The following CCDC12 variants were observed in gnomAD, a reference collection of about 807,000 sequenced individuals.
CCDC12 encodes the protein coiled-coil domain containing 12, also known as coiled-coil domain-containing protein 12.
In CCDC12, 28 loss-of-function variants were observed where a neutral mutation model predicts 25.7. That is an observed-to-expected ratio of 1.09 (90% CI 0.81 to 1.50). The LOEUF is 1.50. Ranked by LOEUF, CCDC12 falls within the 40% of genes most tolerant of loss-of-function variation. CCDC12 has a pLI of 0.00. For missense variants in CCDC12, 198 were observed against 210.0 expected, an observed-to-expected ratio of 0.94 and a Z score of 0.35; for synonymous variants, 75 against 87.7, an observed-to-expected ratio of 0.86 and a Z score of 0.81.
In CCDC12 at chr3:46,976,712, A is replaced by G; in HGVS notation, c.21T>C (p.Gly7=). Residue 7 remains glycine, a synonymous_variant, in exon 1 of 7, where the codon GGT becomes GGC. Transcript: ENST00000683445. ...ACGCCTCTTCCTCTAGCCGGCCCAC[A>G]CCAGCCGTAGTTGCCTCCATCTTGC... is the stretch of plus-strand genomic sequence containing the variant. The part of the protein sequence containing the change: MEATTA[G]VGRLEEEALR... 6.3e-7 allele frequency: 1 copy of G among 1,581,252 alleles called. No individual in the cohort carries two copies. The highest frequency in any genetic ancestry group is 1.8e-5 in the Admixed American group (1 of 54,142).
intron 1 of CCDC12, among the ~76,000 whole-genome samples, chr3:46,967,976 A>C (rs1452651348): frequency 6.6e-6 from 1 of 152,240 alleles, no homozygotes; most frequent in Non-Finnish European, 1.5e-5. Flanking sequence ...AAAGGACTGC[A>C]AATTGTCTCT....
intron 3 of CCDC12, among the ~76,000 whole-genome samples, chr3:46,924,350 C>A (rs567899939): frequency 6.6e-6 from 1 of 152,354 alleles, no homozygotes; most frequent in Non-Finnish European, 1.5e-5. Context: ...TTCCTCACCT[C>A]TCTGTCCTGC....
intron 1 of CCDC12, among the ~76,000 whole-genome samples, chr3:46,972,753 A>G (rs2034841840): frequency 6.7e-6 from 1 of 148,336 alleles, no homozygotes; most frequent in Non-Finnish European, 1.5e-5. Flanking sequence ...GGGGCAACAC[A>G]GTGAGACTCC....
chr3:46,923,285 G>C (rs1313311765), intron 5 of CCDC12, 44 bp downstream of exon 5: 3 of 1,459,462 alleles, frequency 2.1e-6, no homozygotes, highest in Non-Finnish European at 2.7e-6. Context: ...GGCACCAAGA[G>C]TCCCCGAGTC....
intron 1 of CCDC12, among the ~76,000 whole-genome samples, chr3:46,946,109 CAGG>C (rs2033893988): frequency 6.6e-6 from 1 of 152,200 alleles, no homozygotes; most frequent in Non-Finnish European, 1.5e-5. Flanking sequence ...ACCAGGCCTA[CAGG>C]AGGAGGGAGG....
intron 1 of CCDC12, among the ~76,000 whole-genome samples, chr3:46,947,520 A>G (rs1310478476): frequency 6.6e-6 from 1 of 152,184 alleles, no homozygotes; most frequent in East Asian, 1.9e-4. Flanking sequence ...CTGGGACCAG[A>G]AACTGCACAG....
At chr3:46,928,813 A>G (rs909883409) in intron 2 of CCDC12, among the ~76,000 whole-genome samples, 1 of 152,200 alleles carries the variant, frequency 6.6e-6, no homozygotes, top group Non-Finnish European at 1.5e-5. Context: ...GGAAACATGG[A>G]ATTGCAGGGA....
chr3:46,966,595 A>G (rs1023534053), intron 1 of CCDC12, among the ~76,000 whole-genome samples: 11 of 152,276 alleles, frequency 7.2e-5, no homozygotes, highest in African/African-American at 2.6e-4. Flanking sequence ...AGACCTGAGC[A>G]CTAGCAAGAA....
chr3:46,939,402 G>C (rs2033603756), intron 2 of CCDC12, among the ~76,000 whole-genome samples: 1 of 151,972 alleles, frequency 6.6e-6, no homozygotes, highest in Non-Finnish European at 1.5e-5. Flanking sequence ...GCAAATCAAA[G>C]CCCAGAAACT....
At chr3:46,976,844 C>T, upstream of CCDC12, 1 of 1,502,840 alleles carries the variant, frequency 6.7e-7, no homozygotes, top group Non-Finnish European at 8.9e-7. Context: ...CTGGGAGGTC[C>T]TGAAAGCCAA....
upstream of CCDC12, chr3:46,976,902 C>T: frequency 9.1e-7 from 1 of 1,095,540 alleles, no homozygotes; most frequent in Non-Finnish European, 1.2e-6. Context: ...TGCCCCGCCC[C>T]GCCCCGCCCC....
intron 2 of CCDC12, among the ~76,000 whole-genome samples, chr3:46,937,347 G>A (rs534328833): frequency 6.6e-6 from 1 of 152,350 alleles, no homozygotes; most frequent in East Asian, 1.9e-4. Context: ...ACTGAAGGCA[G>A]GACAGTGTTA....
At chr3:46,978,810 C>T (rs1176924361), upstream of CCDC12, among the ~76,000 whole-genome samples, 3 of 151,990 alleles carry the variant, frequency 2.0e-5, no homozygotes, top group Non-Finnish European at 4.4e-5. Context: ...GGTGGAACCC[C>T]GTCTCTACTA....
At chr3:46,959,190 C>A (rs1165699746) in intron 1 of CCDC12, among the ~76,000 whole-genome samples, 2 of 106,178 alleles carry the variant, frequency 1.9e-5, no homozygotes, top group African/African-American at 6.6e-5. Flanking sequence ...CCCACCTACA[C>A]ACACTTCCTT....
intron 1 of CCDC12, among the ~76,000 whole-genome samples, chr3:46,941,789 G>A (rs1275150959): frequency 1.3e-5 from 2 of 152,190 alleles, no homozygotes; most frequent in South Asian, 2.1e-4. Context: ...GAAGTTACCA[G>A]CAACCAGGGC....
At chr3:46,929,195 T>A (rs557895471) in intron 2 of CCDC12, among the ~76,000 whole-genome samples, 36 of 152,330 alleles carry the variant, frequency 2.4e-4, no homozygotes, top group African/African-American at 8.4e-4. Context: ...GTTAAGGATG[T>A]ATGTTGTTAT....
chr3:46,940,771 G>C, intron 2 of CCDC12: 2 of 575,946 alleles, frequency 3.5e-6, no homozygotes, highest in South Asian at 4.5e-5. Context: ...AAAATGCTGG[G>C]GGCTGAGTAA....
At chr3:46,934,511 C>T (rs1427399666) in intron 2 of CCDC12, among the ~76,000 whole-genome samples, 1 of 152,194 alleles carries the variant, frequency 6.6e-6, no homozygotes, top group Admixed American at 6.5e-5. Context: ...AGTCCCAGAA[C>T]AGAGGTGAAG....
upstream of CCDC12, chr3:46,979,674 G>A (rs2035161503): frequency 6.3e-6 from 2 of 317,414 alleles, no homozygotes. Flanking sequence ...GCAGTGAGGA[G>A]GAGGAGCGAG....
Sources: gnomAD v4.1 joint callset for allele counts (sites outside exome capture counted in the v4.1 genomes callset) on GRCh38, gnomAD v4.1.1 for gene constraint, MANE v1.5 for transcripts, NCBI Gene and HGNC (gene_info 2026-07-23, HGNC 2026-07-21) for gene names.